Variants in CCDC66 observed in about 807,000 individuals in gnomAD.
CCDC66 encodes the protein coiled-coil domain-containing protein 66.
CCDC66 carries 133 observed loss-of-function variants against 128.3 expected under a neutral mutation model. The observed-to-expected ratio is 1.04, with a 90% CI of 0.90 to 1.20. The LOEUF (loss-of-function observed/expected upper bound fraction) is 1.20. CCDC66 is among the 50% of genes most tolerant of loss of function. The pLI is 0.00. For synonymous variants in CCDC66, 387 were observed against 357.0 expected (o/e 1.08, Z -0.95); for missense variants, 1,126 against 1,075.5 (o/e 1.05, Z -0.66).
At chr3:56,565,474 G>A (rs1455336820) in intron 4 of CCDC66, among the ~76,000 whole-genome samples, 1 of 144,108 alleles carries the variant, frequency 6.9e-6, no homozygotes, top group African/African-American at 2.6e-5. Flanking sequence ...TGTATTTTTA[G>A]TAGAGACGGG....
intron 17 of CCDC66, chr3:56,620,516 G>A (rs2076296358): frequency 6.6e-6 from 1 of 152,190 alleles, no homozygotes; most frequent in Non-Finnish European, 1.5e-5. Context: ...GGAAGAGTAA[G>A]CTGTGTTTAA....
At chr3:56,583,221 A>G (rs1412058691) in intron 7 of CCDC66, among the ~76,000 whole-genome samples, 2 of 151,916 alleles carry the variant, frequency 1.3e-5, no homozygotes, top group African/African-American at 2.4e-5. Flanking sequence ...AAAAAAACAT[A>G]AAGGATAGTA....
chr3:56,613,549 T>A, intron 10 of CCDC66, 40 bp from the exon 11 acceptor site: 1 of 1,595,734 alleles, frequency 6.3e-7, no homozygotes, highest in Non-Finnish European at 8.5e-7. Flanking sequence ...TGCTTAGATT[T>A]TTATTTTTGA....
chr3:56,601,664 A>C (rs574121061), intron 10 of CCDC66, among the ~76,000 whole-genome samples: 26 of 151,964 alleles, frequency 1.7e-4, no homozygotes, highest in Non-Finnish European at 2.9e-5. Context: ...AGTGGTTTGT[A>C]GTTCTCCTTA....
intron 10 of CCDC66, among the ~76,000 whole-genome samples, chr3:56,612,201 T>C (rs2074933635): frequency 6.6e-6 from 1 of 152,244 alleles, no homozygotes; most frequent in Admixed American, 6.5e-5. Flanking sequence ...CTTTCATATC[T>C]ATGATGGTGG....
At chr3:56,614,206 T>C (rs2075214631) in intron 11 of CCDC66, among the ~76,000 whole-genome samples, 1 of 152,254 alleles carries the variant, frequency 6.6e-6, no homozygotes, top group Admixed American at 6.5e-5. Context: ...TGAGAAAGTT[T>C]TATTATTTCA....
chr3:56,593,138 T>C (rs1387860286), intron 8 of CCDC66, 37 bp downstream of exon 8: 6 of 1,475,538 alleles, frequency 4.1e-6, no homozygotes, highest in Non-Finnish European at 5.5e-6. Flanking sequence ...AAAGAAAAAA[T>C]AAAATCAAAG....
intron 10 of CCDC66, among the ~76,000 whole-genome samples, chr3:56,605,855 C>T (rs2073990822): frequency 6.6e-6 from 1 of 152,104 alleles, no homozygotes; most frequent in Admixed American, 6.5e-5. Context: ...TTTAAGTCTG[C>T]TGAAGCTGCA....
intron 7 of CCDC66, among the ~76,000 whole-genome samples, chr3:56,583,993 A>T (rs1440145489): frequency 8.9e-6 from 1 of 112,536 alleles, no homozygotes; most frequent in East Asian, 3.3e-4. Context: ...TCCCTCCCGG[A>T]CGGGGCGGCT....
At chr3:56,595,505 T>C (rs554325896) in intron 10 of CCDC66, among the ~76,000 whole-genome samples, 25 of 152,364 alleles carry the variant, frequency 1.6e-4, no homozygotes, top group African/African-American at 5.8e-4. Flanking sequence ...GATGTTTATC[T>C]TTATATACCT....
intron 7 of CCDC66, among the ~76,000 whole-genome samples, chr3:56,576,431 A>G (rs755920322): frequency 2.0e-5 from 3 of 151,094 alleles, no homozygotes; most frequent in Non-Finnish European, 4.4e-5. Flanking sequence ...TTATACTTTA[A>G]GTTCTGGGGT....
chr3:56,583,624 A>G (rs924724108), intron 7 of CCDC66, among the ~76,000 whole-genome samples: 6 of 151,936 alleles, frequency 3.9e-5, no homozygotes, highest in Non-Finnish European at 8.8e-5. Context: ...GGGCAAGGTC[A>G]TAGATCAACA....
In CCDC66 at chr3:56,557,337, T is replaced by C. The variant is rs989338955; in HGVS notation, c.11+84T>C. On this transcript the variant is annotated intron_variant, in intron 1 of 17. Coordinates refer to ENST00000394672, the MANE Select transcript of CCDC66 (RefSeq NM_001141947.3). ...GAGGCATGTGTGTCTGGGTTGTCCC[T>C]TGGAGTCTTTACTGGAGAACGTTCC... The C allele has an allele frequency of 2.0e-6, 3 of 1,509,104 alleles. No individual in the cohort carries two copies. The East Asian group carries it at 7.4e-5, about 37-fold the overall frequency. The allele number at this position is 1,509,104 out of a possible 1,614,324, so 93.5% of individuals were successfully genotyped here.
intron 4 of CCDC66, among the ~76,000 whole-genome samples, chr3:56,565,887 C>T (rs1322014650): frequency 1.3e-5 from 2 of 152,094 alleles, no homozygotes; most frequent in African/African-American, 2.4e-5. Context: ...AGGATGGTCT[C>T]GATCTCCTGA....
chr3:56,579,413 G>C (rs559989203), intron 7 of CCDC66, among the ~76,000 whole-genome samples: 1 of 151,700 alleles, frequency 6.6e-6, no homozygotes, highest in African/African-American at 2.4e-5. Flanking sequence ...ATCTCCTTCA[G>C]TTCTGCTTTG....
intron 10 of CCDC66, among the ~76,000 whole-genome samples, chr3:56,596,287 A>G (rs931660533): frequency 6.6e-6 from 1 of 152,046 alleles, no homozygotes; most frequent in Admixed American, 6.6e-5. Context: ...TTTGATTTGC[A>G]TTTCTGTGAT....
rs2075136906 is a variant in CCDC66 at position 56,613,635 on chromosome 3, T to G, written c.1451T>G (p.Leu484Arg). ...QVEEKRRKKQ[L>R]EEEQRKKEEQ... ...GAAGAGAAGCGCAGGAAGAAACAACTGGAGGAAGAGCAAAGAAAGAAGGAA... is the reference window on the plus strand; with the variant it reads ...GAAGAGAAGCGCAGGAAGAAACAACGGGAGGAAGAGCAAAGAAAGAAGGAA... Residue 484 changes from leucine to arginine, a missense_variant, in exon 11 of 18, where the codon CTG becomes CGG. By Grantham distance (102) the Leu-to-Arg change is moderately radical (BLOSUM62 -2). Coordinates refer to ENST00000394672, the MANE Select transcript of CCDC66 (RefSeq NM_001141947.3). 1.2e-6 allele frequency: 2 copies of G among 1,613,876 alleles called. No homozygotes were observed. The highest frequency in any genetic ancestry group is 1.7e-6 in the Non-Finnish European group (2 of 1,179,870).
chr3:56,590,523 C>T (rs574837697), intron 7 of CCDC66, among the ~76,000 whole-genome samples: 1 of 152,122 alleles, frequency 6.6e-6, no homozygotes, highest in East Asian at 1.9e-4. Context: ...TTTGGGAGAT[C>T]AAGGCGGGTG....
At chr3:56,558,757 T>C (rs2064711048) in intron 1 of CCDC66, 89 bp from the exon 2 acceptor site, 1 of 891,514 alleles carries the variant, frequency 1.1e-6, no homozygotes, top group African/African-American at 1.7e-5. Flanking sequence ...AAATAATGGA[T>C]TTATTGTCAG....
Sources: allele counts gnomAD v4.1 joint callset (sites outside exome capture counted in the v4.1 genomes callset), GRCh38; gene constraint gnomAD v4.1.1; transcripts MANE v1.5; gene names NCBI Gene and HGNC (gene_info 2026-07-23, HGNC 2026-07-21).